KDM2A: variants seen among roughly 807,000 people sequenced by gnomAD.
KDM2A encodes lysine demethylase 2A.
KDM2A carries 3 observed loss-of-function variants against 137.3 expected under a neutral mutation model. The ratio of observed to expected loss-of-function variants is 0.02; its 90% confidence interval spans 0.01 to 0.06. KDM2A has a LOEUF of 0.06. Among genes scored for constraint, KDM2A ranks in the 10% least tolerant of loss-of-function variants. The pLI is 1.00. For missense variants in KDM2A, 738 were observed against 1,510.6 expected (o/e 0.49, Z 8.48); for synonymous variants, 512 against 541.5 (o/e 0.95, Z 0.76).
intron 2 of KDM2A, among the ~76,000 whole-genome samples, chr11:67,156,278 ATATTT>A (rs1244454567): frequency 6.6e-6 from 1 of 150,658 alleles, no homozygotes; most frequent in African/African-American, 2.4e-5. Context: ...AAGGAGGATA[ATATTT>A]TATAACATAT....
chr11:67,243,825 A>G (rs986261326), intron 13 of KDM2A: 1 of 152,226 alleles, frequency 6.6e-6, no homozygotes, highest in Non-Finnish European at 1.5e-5. Flanking sequence ...AAGAAAAAAA[A>G]AGAAGAAGAA....
At chr11:67,156,752 G>T (rs940280144) in intron 2 of KDM2A, among the ~76,000 whole-genome samples, 4 of 151,630 alleles carry the variant, frequency 2.6e-5, no homozygotes, top group Non-Finnish European at 4.4e-5. Flanking sequence ...AGCTGGGCAT[G>T]GTGGCATGTG....
intron 2 of KDM2A, among the ~76,000 whole-genome samples, chr11:67,141,357 A>G (rs1202758800): frequency 6.6e-6 from 1 of 151,954 alleles, no homozygotes; most frequent in African/African-American, 2.4e-5. Context: ...CTCTCAAGCT[A>G]TTTTGAAATA....
intron 2 of KDM2A, among the ~76,000 whole-genome samples, chr11:67,129,161 G>A (rs930470855): frequency 6.6e-6 from 1 of 152,238 alleles, no homozygotes; most frequent in Admixed American, 6.5e-5. Flanking sequence ...GGGTCTTGCA[G>A]TGTAGATAAG....
chr11:67,213,204 C>G (rs553559598), intron 6 of KDM2A, among the ~76,000 whole-genome samples: 1 of 152,210 alleles, frequency 6.6e-6, no homozygotes, highest in Non-Finnish European at 1.5e-5. Context: ...GCATTTGTCT[C>G]CATTCACATT....
chr11:67,171,677 C>T (rs2052210859), intron 2 of KDM2A, among the ~76,000 whole-genome samples: 1 of 152,238 alleles, frequency 6.6e-6, no homozygotes, highest in South Asian at 2.1e-4. Context: ...CATCATTCGT[C>T]TTAATTCTCA....
chr11:67,156,289 C>T (rs1856513167), intron 2 of KDM2A, among the ~76,000 whole-genome samples: 1 of 145,860 alleles, frequency 6.9e-6, no homozygotes, highest in Admixed American at 6.9e-5. Flanking sequence ...TATTTTATAA[C>T]ATATGAAAGT....
chr11:67,232,890 G>T (rs1163249066), intron 12 of KDM2A, among the ~76,000 whole-genome samples: 2 of 151,482 alleles, frequency 1.3e-5, no homozygotes, highest in Non-Finnish European at 2.9e-5. Context: ...TTATATTTTT[G>T]ATAGAGATGG....
intron 2 of KDM2A, among the ~76,000 whole-genome samples, chr11:67,155,937 T>TAAAAAAAA (rs770113717): frequency 9.6e-6 from 1 of 104,262 alleles, no homozygotes; most frequent in Admixed American, 1.1e-4. Flanking sequence ...TTTAAACGGC[T>TAAAAAAAA]AAAAAAAAAA....
At chr11:67,155,721 A>G (rs969741319) in intron 2 of KDM2A, among the ~76,000 whole-genome samples, 9 of 151,036 alleles carry the variant, frequency 6.0e-5, no homozygotes, top group South Asian at 2.1e-4. Context: ...GGTTCAAGCA[A>G]TTCTCCTGCC....
At chr11:67,140,187 G>A (rs1320301892) in intron 2 of KDM2A, among the ~76,000 whole-genome samples, 3 of 151,948 alleles carry the variant, frequency 2.0e-5, no homozygotes, top group Admixed American at 2.0e-4. Context: ...GCAACATGGC[G>A]AAATCCCGTC....
At chr11:67,248,459 C>A in intron 16 of KDM2A, 89 bp downstream of exon 16, 1 of 810,522 alleles carries the variant, frequency 1.2e-6, no homozygotes, top group Non-Finnish European at 2.0e-6. Context: ...CATTAGTGTT[C>A]ACACAGTTTC....
At chr11:67,147,822 C>T (rs1481690060) in intron 2 of KDM2A, among the ~76,000 whole-genome samples, 1 of 151,650 alleles carries the variant, frequency 6.6e-6, no homozygotes, top group Admixed American at 6.6e-5. Context: ...CGATTACAGG[C>T]GCCTGCCACC....
At chr11:67,201,150 C>T (rs919354981) in intron 5 of KDM2A, among the ~76,000 whole-genome samples, 2 of 150,916 alleles carry the variant, frequency 1.3e-5, no homozygotes, top group Admixed American at 6.6e-5. Context: ...GCCGAGATTG[C>T]ACCACTGCAC....
At chr11:67,219,224 T>C in intron 9 of KDM2A, 64 bp from the exon 10 acceptor site, 1 of 724,572 alleles carries the variant, frequency 1.4e-6, no homozygotes. Context: ...TTGTACTAGT[T>C]CTCTGAGAGA....
intron 12 of KDM2A, chr11:67,240,393 C>G: frequency 6.5e-7 from 1 of 1,528,418 alleles, no homozygotes; most frequent in East Asian, 2.4e-5. Flanking sequence ...TCGGCAAACC[C>G]TTTCTGGTTT....
intron 5 of KDM2A, among the ~76,000 whole-genome samples, chr11:67,188,713 C>T (rs765080515): frequency 4.7e-5 from 7 of 150,320 alleles, no homozygotes; most frequent in Non-Finnish European, 8.9e-5. Flanking sequence ...GTCACTTGAG[C>T]CTGGCAGGTC....
intron 5 of KDM2A, among the ~76,000 whole-genome samples, chr11:67,183,064 C>A (rs1857125537): frequency 6.6e-6 from 1 of 152,190 alleles, no homozygotes; most frequent in South Asian, 2.1e-4. Context: ...ACAGATATCC[C>A]AGGTAGAGGA....
At chr11:67,244,228 G>T (rs970452952) in intron 13 of KDM2A, among the ~76,000 whole-genome samples, 1 of 152,180 alleles carries the variant, frequency 6.6e-6, no homozygotes, top group Non-Finnish European at 1.5e-5. Flanking sequence ...TTAAGATATG[G>T]TAAGAAATTA....
Sources: allele counts gnomAD v4.1 joint callset (sites outside exome capture counted in the v4.1 genomes callset), GRCh38; gene constraint gnomAD v4.1.1; transcripts MANE v1.5; gene names NCBI Gene and HGNC (gene_info 2026-07-23, HGNC 2026-07-21).